The following POMT2 variants were observed in gnomAD, a reference collection of about 807,000 sequenced individuals.
POMT2 encodes protein O-mannosyltransferase 2.
Under a neutral mutation model 100.0 loss-of-function variants are expected in POMT2, and 75 were observed. The ratio of observed to expected loss-of-function variants is 0.75; its 90% CI spans 0.62 to 0.91. The LOEUF is 0.91. Among genes scored for constraint, POMT2 ranks in the 40% least tolerant of loss-of-function variants. The pLI is 0.00. For missense variants in POMT2, 940 were observed against 955.1 expected, an observed-to-expected ratio of 0.98 and a Z score of 0.21; for synonymous variants, 378 against 374.1, an observed-to-expected ratio of 1.01 and a Z score of -0.12.
Position 77,301,207 on chromosome 14 carries a change from G to A in POMT2, c.699C>T (p.Gly233=), listed in dbSNP as rs375257656. ...CCCCTAAAGCACCAGCAAGACTAACGCCAGTCAGGCTGAGCCAGAACCACC... is the reference window on the plus strand; with the variant it reads ...CCCCTAAAGCACCAGCAAGACTAACACCAGTCAGGCTGAGCCAGAACCACC... ...APWWFWLSLT[G]VSLAGALGVK... is the part of the protein sequence containing the mutation. The change falls in exon 6 of 21, where the codon GGC becomes GGT. Residue 233 remains glycine (G), a synonymous_variant. Coordinates refer to ENST00000261534, the MANE Select transcript of POMT2 (RefSeq NM_013382.7). 10 of 1,614,178 alleles carry A rather than the reference G, an allele frequency of 6.2e-6. No homozygotes were observed. The highest frequency in any genetic ancestry group is 4.5e-5 in the East Asian group (2 of 44,880).
rs551000772 is a variant in POMT2, at chr14:77,320,519, C to G, written c.163G>C (p.Val55Leu). ...PAWGSRRFEA[V>L]GWWALLALVT... Reference sequence around the variant, plus strand: ...AAGGCCAGCAGGGCCCACCAGCCGACCGCCTCGAAGCGCCGTGAGCCCCAA... The same window carrying G: ...AAGGCCAGCAGGGCCCACCAGCCGAGCGCCTCGAAGCGCCGTGAGCCCCAA... Residue 55 changes from valine (V) to leucine (L), a missense_variant, in exon 1 of 21, where the codon GTC becomes CTC. Coordinates refer to ENST00000261534, the MANE Select transcript of POMT2 (RefSeq NM_013382.7). 6.4e-7 allele frequency: 1 copy of G among 1,554,078 alleles called. No homozygotes were observed. Among genetic ancestry groups the G allele is most frequent in the East Asian group, 2.4e-5 (1 of 41,706 alleles).
At chr14:77,285,387 G>A (rs902802377) in intron 13 of POMT2, 94 bp downstream of exon 13, 216 of 1,533,068 alleles carry the variant, frequency 1.4e-4, no homozygotes, top group Non-Finnish European at 1.8e-4. Context: ...GACAGCAGGT[G>A]AACACAGGAA....
chr14:77,301,998 T>C (rs1484488675), intron 5 of POMT2, among the ~76,000 whole-genome samples: 1 of 152,158 alleles, frequency 6.6e-6, no homozygotes, highest in African/African-American at 2.4e-5. Flanking sequence ...TAGTACCTGG[T>C]ACACAGTATG....
chr14:77,298,781 G>C lies in POMT2; in HGVS notation c.924-10C>G. On this transcript the variant is annotated splice_polypyrimidine_tract_variant and intron_variant, in intron 7 of 20. Transcript: ENST00000261534. ...ACCGTCACCAGGGCCACTGTGGGGA[G>C]AGGAAGAGCAGAAGAGAGTCAAGTT... The C allele has an allele frequency of 6.2e-7, 1 of 1,610,696 alleles. No homozygotes were observed. The highest frequency in any genetic ancestry group is 1.7e-5 in the Admixed American group (1 of 59,622).
Position 77,304,801 on chromosome 14 carries a change from C to G in POMT2, c.439-1G>C, listed in dbSNP as rs1891168596. ...GCCAGGAGCCAAGGAATGCACAGAA[C>G]TGTGGGAGGAATAGAGAAGCTGTCA... On this transcript the variant is annotated splice_acceptor_variant, in intron 3 of 20. Coordinates refer to ENST00000261534, the MANE Select transcript of POMT2 (RefSeq NM_013382.7). LOFTEE classifies it high-confidence loss of function. 6.3e-7 allele frequency: 1 copy of G among 1,584,400 alleles called. No individual in the cohort carries two copies. Among genetic ancestry groups the G allele is most frequent in the African/African-American group, 1.3e-5 (1 of 74,642 alleles).
At position 77,280,425 on chromosome 14, in the gene POMT2, C is replaced by T. The variant is rs183828175; in HGVS notation, c.1692G>A (p.Thr564=). 31 of 1,614,132 alleles carry T rather than the reference C, an allele frequency of 1.9e-5. No individual in the cohort carries two copies. Among genetic ancestry groups the T allele is most frequent in the African/African-American group, 1.3e-4 (10 of 75,012 alleles). The change falls in exon 16 of 21, where the codon ACG becomes ACA. Residue 564 remains threonine, a synonymous_variant. Coordinates refer to ENST00000261534, the MANE Select transcript of POMT2 (RefSeq NM_013382.7). ...TGATAGGCCAGTGCCAGGGTTTGGA[C>T]GTGAACTCATTGTCCTTGGGTTTGA... ...SGLKPKDNEF[T]SKPWHWPINY...
chr14:77,281,095 A>AAAAT (rs145830278), intron 15 of POMT2, among the ~76,000 whole-genome samples: 34,256 of 144,318 alleles, frequency 0.24, 4,560 homozygotes, highest in Admixed American at 0.4. Flanking sequence ...ACTCAGTCTC[A>AAAAT]AAATAAATAA....
chr14:77,288,898 C>T lies in POMT2; in HGVS notation c.1184-67G>A, dbSNP rs974825474. On this transcript the variant is annotated intron_variant, in intron 10 of 20. Coordinates refer to ENST00000261534, the MANE Select transcript of POMT2 (RefSeq NM_013382.7). ...CAGGCTAGTATTAATCAAGGGCCTA[C>T]TGGTAAACAGTTATAGTACCATGTG... 3.9e-5 allele frequency: 52 copies of T among 1,342,262 alleles called. No individual in the cohort carries two copies. In the South Asian group the frequency reaches 6.0e-4, roughly 15 times the overall value. The allele number at this position is 1,342,262 out of a possible 1,614,324, so 83.1% of individuals were successfully genotyped here. A position where few individuals can be genotyped will look rare whatever the true frequency, so the allele number is the denominator to read the frequency against.
Position 77,278,715 on chromosome 14 carries a change from T to G in POMT2, c.2032+14A>C. ...ACCTGCTCTGTCTCCCAAGTCCAGG[T>G]GGGTGGCACTGACCTGTCAACATGC... On this transcript the variant is annotated intron_variant, in intron 19 of 20. Coordinates refer to ENST00000261534, the MANE Select transcript of POMT2 (RefSeq NM_013382.7). 6.2e-7 allele frequency: 1 copy of G among 1,613,624 alleles called. No individual in the cohort carries two copies.
intron 13 of POMT2, 80 bp from the exon 14 acceptor site, chr14:77,285,121 T>C: frequency 1.7e-6 from 2 of 1,206,272 alleles, no homozygotes; most frequent in South Asian, 2.5e-5. Context: ...TGCTCTTAAA[T>C]CCACAGGCTC....
chr14:77,300,713 G>A, intron 6 of POMT2: 1 of 279,466 alleles, frequency 3.6e-6, no homozygotes, highest in Non-Finnish European at 7.0e-6. Flanking sequence ...CCAGCTACTT[G>A]GGAGGCTGAG....
chr14:77,300,140 C>T (rs1273887717), intron 6 of POMT2: 1 of 164,710 alleles, frequency 6.1e-6, no homozygotes, highest in Middle Eastern at 3.1e-3. Flanking sequence ...GCACCTCACA[C>T]ACAGTGGCTG....
chr14:77,308,864 C>T (rs1388507356), intron 2 of POMT2: 8 of 414,208 alleles, frequency 1.9e-5, no homozygotes, highest in South Asian at 9.0e-5. Flanking sequence ...AACTATACAA[C>T]GATATATGTA....
chr14:77,283,788 GA>G lies in POMT2; in HGVS notation c.1653+8del. On this transcript the variant is annotated splice_region_variant and intron_variant, in intron 15 of 20. Coordinates refer to ENST00000261534, the MANE Select transcript of POMT2 (RefSeq NM_013382.7). ...TAGAGACGCCATGAAATGAGAAGGG[GA>G]CACATACCCGGATCATGACCATGTG... is the stretch of plus-strand genomic sequence containing the variant. 2 of 1,595,498 alleles carry G rather than the reference GA, an allele frequency of 1.3e-6. No homozygotes were observed.
At chr14:77,300,912 C>A in intron 6 of POMT2, 178 bp downstream of exon 6, 1 of 1,071,766 alleles carries the variant, frequency 9.3e-7, no homozygotes, top group Admixed American at 2.0e-5. Flanking sequence ...CTATCCAGTC[C>A]TCAGCCGGGC....
At chr14:77,313,998 C>T (rs994175553) in intron 1 of POMT2, among the ~76,000 whole-genome samples, 2 of 152,162 alleles carry the variant, frequency 1.3e-5, no homozygotes, top group Admixed American at 6.5e-5. Flanking sequence ...TGTGAACCAC[C>T]GCACCCAGCC....
Position 77,296,413 on chromosome 14 carries a change from T to A in POMT2, c.1007-140A>T, listed in dbSNP as rs565180331. 1.2e-5 allele frequency: 8 copies of A among 662,104 alleles called. No homozygotes were observed. The East Asian group carries it at 2.2e-4, about 18-fold the overall frequency. 41.0% of individuals were successfully genotyped at this position (662,104 alleles called of 1,614,324 possible). ...GGCCCTGGACTGAAGCCCAGCTACCTTCTCACTCCCATGGAGCCGACTCAA... is the reference window on the plus strand; with the variant it reads ...GGCCCTGGACTGAAGCCCAGCTACCATCTCACTCCCATGGAGCCGACTCAA... On this transcript the variant is annotated intron_variant, in intron 8 of 20. Coordinates refer to ENST00000261534, the MANE Select transcript of POMT2 (RefSeq NM_013382.7).
At chr14:77,304,909 C>A (rs1303595011) in intron 3 of POMT2, 109 bp from the exon 4 acceptor site, 1 of 1,523,550 alleles carries the variant, frequency 6.6e-7, no homozygotes, top group East Asian at 2.5e-5. Context: ...GAAGGCATGA[C>A]TTTGGTGACC....
rs1163482415 is a variant in POMT2, at chr14:77,276,131, G to T, written c.*1245C>A. Reference sequence around the variant, plus strand: ...CCAGGAAGGTGGAGGCAGGCTTAAGGGCTGGCCTTGGGTGGTTTGGTTCTA... The same window carrying T: ...CCAGGAAGGTGGAGGCAGGCTTAAGTGCTGGCCTTGGGTGGTTTGGTTCTA... On this transcript the variant is annotated 3_prime_UTR_variant, in exon 21 of 21. Coordinates refer to ENST00000261534, the MANE Select transcript of POMT2 (RefSeq NM_013382.7). 1 of 152,574 alleles carries T rather than the reference G, an allele frequency of 6.6e-6. No individual in the cohort carries two copies. Among genetic ancestry groups the T allele is most frequent in the Non-Finnish European group, 1.5e-5 (1 of 68,046 alleles). 9.5% of individuals were successfully genotyped at this position (152,574 alleles called of 1,614,324 possible).
Sources: allele counts gnomAD v4.1 joint callset (sites outside exome capture counted in the v4.1 genomes callset), GRCh38; gene constraint gnomAD v4.1.1; transcripts MANE v1.5; gene names NCBI Gene and HGNC (gene_info 2026-07-23, HGNC 2026-07-21).